Variants in USP40 observed in about 807,000 individuals in gnomAD.
The protein encoded by USP40 is ubiquitin specific peptidase 40, also known as ubiquitin carboxyl-terminal hydrolase 40.
Under a neutral mutation model 166.2 loss-of-function variants are expected in USP40, and 143 were observed. That is an observed-to-expected ratio of 0.86 (90% CI 0.75 to 0.99). The LOEUF (loss-of-function observed/expected upper bound fraction) is 0.99, where lower values mean the gene tolerates loss of function less well. Ranked by LOEUF, USP40 falls within the 50% of genes least tolerant of loss-of-function variation. The pLI is 0.00. For synonymous variants in USP40, 498 were observed against 524.0 expected (o/e 0.95, Z 0.68); for missense variants, 1,444 against 1,479.7 (o/e 0.98, Z 0.40).
chr2:233,560,861 T>C (rs987660800), intron 3 of USP40: 6 of 578,500 alleles, frequency 1.0e-5, no homozygotes, highest in Non-Finnish European at 1.9e-5. Context: ...TAAATAGACT[T>C]CTGGGGGAAG....
chr2:233,478,985 CA>C (rs36126125), intron 31 of USP40, among the ~76,000 whole-genome samples: 4 of 150,062 alleles, frequency 2.7e-5, no homozygotes, highest in African/African-American at 7.4e-5. Context: ...CTATTAACTC[CA>C]AAAAAAAATG....
chr2:233,543,162 T>A (rs942705024), intron 8 of USP40, among the ~76,000 whole-genome samples: 1 of 152,208 alleles, frequency 6.6e-6, no homozygotes. Context: ...TTTATTTCCA[T>A]ACATGCCATC....
rs533139916 is a variant in USP40, at chr2:233,504,057, G to T, written c.2614-4142C>A. ...AAAAAATTCTAGACTATTTTTATAT[G>T]ACCAAAGGTGAGTTGGATACAGCTT... On this transcript the variant is annotated intron_variant, in intron 21 of 31. Transcript: ENST00000678225. Among the ~76,000 whole-genome samples the T allele has an allele frequency of 3.3e-5, 5 of 152,178 alleles. No individual in the cohort carries two copies. In the South Asian group the frequency reaches 8.3e-4, roughly 25 times the overall value.
At chr2:233,511,382 A>G (rs1197224081) in intron 20 of USP40, among the ~76,000 whole-genome samples, 1 of 152,222 alleles carries the variant, frequency 6.6e-6, no homozygotes, top group Non-Finnish European at 1.5e-5. Flanking sequence ...TGTAAGATGC[A>G]ACCTAATCTC....
At chr2:233,518,703 T>C (rs73121135) in intron 18 of USP40, among the ~76,000 whole-genome samples, 163 of 152,192 alleles carry the variant, frequency 1.1e-3, no homozygotes, top group African/African-American at 3.9e-3. Flanking sequence ...GAGTTTCTTA[T>C]AAAGTTAAAC....
intron 31 of USP40, among the ~76,000 whole-genome samples, chr2:233,479,758 G>A (rs1313028643): frequency 6.6e-6 from 1 of 152,034 alleles, no homozygotes; most frequent in Non-Finnish European, 1.5e-5. Context: ...GGGCTGCAGA[G>A]CTGCGAATGG....
chr2:233,492,617 C>T (rs2065420591), intron 25 of USP40: 2 of 152,104 alleles, frequency 1.3e-5, no homozygotes, highest in South Asian at 4.1e-4. Context: ...TTCAACATTA[C>T]TCTCTCTATA....
At chr2:233,523,667 T>C (rs770028535) in intron 15 of USP40, among the ~76,000 whole-genome samples, 178 bp from the exon 16 acceptor site, 1 of 152,214 alleles carries the variant, frequency 6.6e-6, no homozygotes, top group Non-Finnish European at 1.5e-5. Context: ...TGAAACTTTC[T>C]TATCTTTTAT....
intron 15 of USP40, 66 bp downstream of exon 15, chr2:233,524,426 G>C: frequency 7.1e-7 from 1 of 1,418,040 alleles, no homozygotes; most frequent in South Asian, 1.3e-5. Context: ...CACCATGCCC[G>C]GCCATTACGA....
Position 233,551,242 on chromosome 2 carries a change from G to T in USP40, c.837+134C>A. 2 of 1,008,604 alleles carry T rather than the reference G, an allele frequency of 2.0e-6. 1 individual carries two copies. Among genetic ancestry groups the T allele is most frequent in the Non-Finnish European group, 2.8e-6 (2 of 711,638 alleles). 62.5% of individuals were successfully genotyped at this position (1,008,604 alleles called of 1,614,324 possible). Reference sequence around the variant, plus strand: ...GCATGAGACAGTCTCCCACAACAAAGAATAGTTTAACTGAAAATGTCAATG... The same window carrying T: ...GCATGAGACAGTCTCCCACAACAAATAATAGTTTAACTGAAAATGTCAATG... On this transcript the variant is annotated intron_variant, in intron 7 of 31. Transcript: ENST00000678225.
chr2:233,517,379 G>GTTTTTTTTTTTT (rs202226925), intron 18 of USP40, among the ~76,000 whole-genome samples: 47 of 137,114 alleles, frequency 3.4e-4, no homozygotes, highest in Non-Finnish European at 4.2e-4. Flanking sequence ...CACATGCATG[G>GTTTTTTTTTTTT]TTTTTTGTTT....
At chr2:233,489,565 C>G in intron 26 of USP40, 82 bp from the exon 27 acceptor site, 1 of 1,112,068 alleles carries the variant, frequency 9.0e-7, no homozygotes, top group Non-Finnish European at 1.3e-6. Context: ...AAAAATGAAG[C>G]ACTACACAGT....
At chr2:233,491,358 T>C (rs756103290) in intron 25 of USP40, 97 bp from the exon 26 acceptor site, 28 of 927,570 alleles carry the variant, frequency 3.0e-5, no homozygotes, top group Non-Finnish European at 4.6e-5. Context: ...AATAGGTTAT[T>C]AAAATTCCAC....
At chr2:233,530,991 C>T (rs1025780002) in intron 11 of USP40, among the ~76,000 whole-genome samples, 11 of 152,134 alleles carry the variant, frequency 7.2e-5, no homozygotes, top group South Asian at 2.1e-4. Context: ...ACACATTTTA[C>T]GATTCCTTTT....
At chr2:233,514,611 G>T (rs1271175481) in intron 18 of USP40, among the ~76,000 whole-genome samples, 2 of 152,154 alleles carry the variant, frequency 1.3e-5, no homozygotes, top group African/African-American at 4.8e-5. Context: ...AGCACTAAAG[G>T]GCTTTGTGCG....
In USP40 at chr2:233,523,174, T is replaced by A; in HGVS notation, c.2197A>T (p.Asn733Tyr). Residue 733 changes from asparagine to tyrosine, a missense_variant, in exon 16 of 32, where the codon AAC (asparagine) becomes TAC (tyrosine). Coordinates refer to ENST00000678225, the MANE Select transcript of USP40 (RefSeq NM_001365479.2). ...TTTCTCTTGTTAGCGAGTTACCTGT[T>A]ATCATCATGAGAATCCTGAATTAAA... ...SILIQDSHDD[N>Y]SLLTKEEKWV... 2 of 1,606,258 alleles carry A rather than the reference T, an allele frequency of 1.2e-6. No homozygotes were observed. The highest frequency in any genetic ancestry group is 1.7e-6 in the Non-Finnish European group (2 of 1,174,126).
chr2:233,516,719 G>A (rs1022126767), intron 18 of USP40, among the ~76,000 whole-genome samples: 8 of 151,490 alleles, frequency 5.3e-5, no homozygotes, highest in Non-Finnish European at 8.8e-5. Flanking sequence ...TTAGCTGGAC[G>A]TGGTGGCAGG....
rs1404114740 is a variant in USP40 at position 233,525,541 on chromosome 2, C to T, written c.1747G>A (p.Asp583Asn). 1 of 1,612,934 alleles carries T rather than the reference C, an allele frequency of 6.2e-7. No individual in the cohort carries two copies. The highest frequency in any genetic ancestry group is 8.5e-7 in the Non-Finnish European group (1 of 1,179,266). Residue 583 changes from aspartate (D) to asparagine (N), a missense_variant, in exon 14 of 32, where the codon GAC (aspartate) becomes AAC (asparagine). By Grantham distance (23) the Asp-to-Asn change is conservative. Coordinates refer to ENST00000678225, the MANE Select transcript of USP40 (RefSeq NM_001365479.2). ...IFQLLEFWEGDMVLSVAKLVP... is the reference protein window; with the variant it reads ...IFQLLEFWEGNMVLSVAKLVP... ...AGCTTTGCAACACTAAGAACCATGT[C>T]TCCTTCCCAAAATTCTAACAGCTGA...
At chr2:233,494,758 G>A (rs1431146872) in intron 24 of USP40, among the ~76,000 whole-genome samples, 2 of 145,414 alleles carry the variant, frequency 1.4e-5, no homozygotes, top group Non-Finnish European at 3.0e-5. Flanking sequence ...CCAGGAGATC[G>A]AGCTTGCAGT....
Sources: allele counts gnomAD v4.1 joint callset (sites outside exome capture counted in the v4.1 genomes callset), GRCh38; gene constraint gnomAD v4.1.1; transcripts MANE v1.5; gene names NCBI Gene and HGNC (gene_info 2026-07-23, HGNC 2026-07-21).